TMEM132D: variants seen among roughly 807,000 people sequenced by gnomAD.
The protein encoded by TMEM132D is mature OL transmembrane protein.
A neutral mutation model predicts 62.3 loss-of-function variants in TMEM132D; 21 were observed. That is an observed-to-expected ratio of 0.34 (90% CI 0.24 to 0.49). The LOEUF (loss-of-function observed/expected upper bound fraction) is 0.49. Ranked by LOEUF, TMEM132D falls within the 20% of genes least tolerant of loss-of-function variation. TMEM132D has a pLI of 0.99. For missense variants in TMEM132D, 1,346 were observed against 1,402.8 expected (o/e 0.96, Z 0.65); for synonymous variants, 621 against 575.6 (o/e 1.08, Z -1.13).
At chr12:129,731,863 C>T (rs530018441) in intron 1 of TMEM132D, among the ~76,000 whole-genome samples, 20 of 152,226 alleles carry the variant, frequency 1.3e-4, no homozygotes, top group Non-Finnish European at 2.4e-4. Context: ...AGGGTTTCAC[C>T]GTGTGAGCCA....
rs774191560 is a variant in TMEM132D at position 129,082,058 on chromosome 12, A to T, written c.1650-26T>A. On this transcript the variant is annotated intron_variant, in intron 6 of 8. Coordinates refer to ENST00000422113, the MANE Select transcript of TMEM132D (RefSeq NM_133448.3). ...CTGTGAAAGAAGCAGTGCAGTTTGC[A>T]GACAGTTACTTGTTGGTCCTCTGTA... 3.2e-6 allele frequency: 5 copies of T among 1,577,994 alleles called. No individual in the cohort carries two copies. The South Asian group carries it at 5.8e-5, about 18-fold the overall frequency.
intron 3 of TMEM132D, among the ~76,000 whole-genome samples, chr12:129,456,566 A>G (rs1200265849): frequency 6.6e-6 from 1 of 152,180 alleles, no homozygotes; most frequent in Non-Finnish European, 1.5e-5. Context: ...GGTAGAATAA[A>G]AACTGTTCTT....
At chr12:129,801,930 G>A (rs1041143037) in intron 1 of TMEM132D, among the ~76,000 whole-genome samples, 1 of 151,628 alleles carries the variant, frequency 6.6e-6, no homozygotes, top group Non-Finnish European at 1.5e-5. Flanking sequence ...CTGGAAGAAA[G>A]GGTATCAGCG....
chr12:129,784,630 T>C (rs1032994925), intron 1 of TMEM132D, among the ~76,000 whole-genome samples: 8 of 152,178 alleles, frequency 5.3e-5, no homozygotes, highest in African/African-American at 1.9e-4. Flanking sequence ...GTCTCTCCCC[T>C]TCCTTGGAAA....
In TMEM132D at chr12:129,473,327, T is replaced by TTTG. The variant is rs58369866; in HGVS notation, c.1115+57731_1115+57732insCAA. Among the ~76,000 whole-genome samples, 260 of 129,422 alleles carry TTTG rather than the reference T, an allele frequency of 2.0e-3. 1 individual carries two copies. The highest frequency in any genetic ancestry group is 5.0e-3 in the African/African-American group (162 of 32,436). The allele number at this position is 129,422 out of a possible 152,430, so 84.9% of individuals were successfully genotyped here. Reference sequence around the variant, plus strand: ...CAATAAAGTGATTTTAGTTTTTGTTTTTTTTTTTTTTTTTTTTTTGAGACC... The same window carrying TTTG: ...CAATAAAGTGATTTTAGTTTTTGTTTTTGTTTTTTTTTTTTTTTTTTTGAGACC... On this transcript the variant is annotated intron_variant, in intron 3 of 8. Transcript: ENST00000422113.
chr12:129,700,126 G>C lies in TMEM132D; in HGVS notation c.652C>G (p.Gln218Glu), dbSNP rs2137226175. ...AGCTCCACGGGGGTCCCCTCCGGCT[G>C]GTCCACGGACTTCCTCCTCCCGGCA... ...VVAGRRKSVD[Q>E]PEGTPVELYY... Residue 218 changes from glutamine to glutamate, a missense_variant, in exon 2 of 9, where the codon CAG (glutamine) becomes GAG (glutamate). Transcript: ENST00000422113. 6.2e-7 allele frequency: 1 copy of C among 1,613,298 alleles called. No individual in the cohort carries two copies. The highest frequency in any genetic ancestry group is 2.2e-5 in the East Asian group (1 of 44,848).
intron 1 of TMEM132D, among the ~76,000 whole-genome samples, chr12:129,883,392 C>T (rs1874662207): frequency 1.3e-5 from 2 of 152,152 alleles, no homozygotes; most frequent in South Asian, 4.1e-4. Flanking sequence ...AATAAATTGT[C>T]AGACATACCA....
intron 4 of TMEM132D, among the ~76,000 whole-genome samples, chr12:129,266,177 C>T (rs1390697668): frequency 1.3e-5 from 2 of 152,138 alleles, no homozygotes; most frequent in Non-Finnish European, 2.9e-5. Flanking sequence ...CAAGAAGCAG[C>T]ATTAGGCATA....
At chr12:129,807,900 G>A (rs1872046893) in intron 1 of TMEM132D, among the ~76,000 whole-genome samples, 1 of 152,178 alleles carries the variant, frequency 6.6e-6, no homozygotes, top group African/African-American at 2.4e-5. Flanking sequence ...ATCATAGGAG[G>A]ACGTTTACTT....
At chr12:129,120,979 C>T (rs1387722404) in intron 5 of TMEM132D, among the ~76,000 whole-genome samples, 2 of 152,140 alleles carry the variant, frequency 1.3e-5, no homozygotes, top group African/African-American at 4.8e-5. Context: ...AAGATGCTCA[C>T]ATCCTCATCC....
At chr12:129,468,284 T>C (rs1256596658) in intron 3 of TMEM132D, among the ~76,000 whole-genome samples, 1 of 151,918 alleles carries the variant, frequency 6.6e-6, no homozygotes. Context: ...AGCAAAGAAA[T>C]GAGCTCCATC....
At chr12:129,361,209 A>C (rs2135674432) in intron 3 of TMEM132D, among the ~76,000 whole-genome samples, 1 of 152,350 alleles carries the variant, frequency 6.6e-6, no homozygotes, top group South Asian at 2.1e-4. Flanking sequence ...CAGGAGAGAC[A>C]CAGGTGAGCT....
At chr12:129,245,393 A>T (rs1349386533) in intron 4 of TMEM132D, among the ~76,000 whole-genome samples, 1 of 151,938 alleles carries the variant, frequency 6.6e-6, no homozygotes, top group Non-Finnish European at 1.5e-5. Context: ...TCGATAGCTC[A>T]TTTATTTTTA....
intron 2 of TMEM132D, among the ~76,000 whole-genome samples, chr12:129,634,310 G>GT (rs1264707255): frequency 8.0e-6 from 1 of 124,954 alleles, no homozygotes; most frequent in South Asian, 2.7e-4. Flanking sequence ...CTGTCTATAC[G>GT]TTAAAAAAAA....
intron 1 of TMEM132D, among the ~76,000 whole-genome samples, chr12:129,844,523 A>T (rs1873297580): frequency 6.6e-6 from 1 of 152,206 alleles, no homozygotes; most frequent in South Asian, 2.1e-4. Flanking sequence ...AATTTCACGG[A>T]TGTTCATCTG....
intron 4 of TMEM132D, among the ~76,000 whole-genome samples, chr12:129,332,947 A>C (rs1015379402): frequency 6.6e-6 from 1 of 152,184 alleles, no homozygotes; most frequent in Non-Finnish European, 1.5e-5. Context: ...ATTGCCCAAC[A>C]ATGAGAAAAT....
At chr12:129,674,790 T>G (rs1026856306) in intron 2 of TMEM132D, among the ~76,000 whole-genome samples, 1 of 152,076 alleles carries the variant, frequency 6.6e-6, no homozygotes. Context: ...CCACCCACCT[T>G]GGCCTCCCAA....
chr12:129,266,411 C>T (rs1880696626), intron 4 of TMEM132D, among the ~76,000 whole-genome samples: 1 of 150,832 alleles, frequency 6.6e-6, no homozygotes, highest in African/African-American at 2.4e-5. Flanking sequence ...CTCCTCTTCT[C>T]TTCTCCTGTT....
rs11611853 is a variant in TMEM132D at position 129,760,604 on chromosome 12, C to A, written c.80-59906G>T. On this transcript the variant is annotated intron_variant, in intron 1 of 8. Transcript: ENST00000422113. Reference sequence around the variant, plus strand: ...TTCCGGATCCGCCTGCCTCAAGCCTCCTGAAGTACTGGGATTACAGGCATG... The same window carrying A: ...TTCCGGATCCGCCTGCCTCAAGCCTACTGAAGTACTGGGATTACAGGCATG... 1.6e-4 allele frequency among the ~76,000 whole-genome samples: 24 copies of A among 151,194 alleles called. 1 individual carries two copies. Among genetic ancestry groups the A allele is most frequent in the African/African-American group, 5.3e-4 (22 of 41,132 alleles).
Sources: gnomAD v4.1 joint callset for allele counts (sites outside exome capture counted in the v4.1 genomes callset) on GRCh38, gnomAD v4.1.1 for gene constraint, MANE v1.5 for transcripts, NCBI Gene and HGNC (gene_info 2026-07-23, HGNC 2026-07-21) for gene names.